Variants in RTN1 observed in about 807,000 individuals in gnomAD.
RTN1 encodes the protein reticulon 1, also known as reticulon-1.
Under a neutral mutation model 65.5 loss-of-function variants are expected in RTN1, and 25 were observed. The ratio of observed to expected loss-of-function variants is 0.38; its 90% CI spans 0.28 to 0.53. RTN1 has a LOEUF of 0.53. RTN1 is among the 20% of genes least tolerant of loss of function. The pLI, the probability that RTN1 is intolerant of heterozygous loss-of-function variation, is 0.79. For synonymous variants in RTN1, 471 were observed against 447.6 expected (o/e 1.05, Z -0.66); for missense variants, 983 against 1,025.4 (o/e 0.96, Z 0.57).
intron 2 of RTN1, among the ~76,000 whole-genome samples, chr14:59,739,974 C>T (rs930850732): frequency 2.6e-5 from 4 of 152,168 alleles, no homozygotes; most frequent in Non-Finnish European, 4.4e-5. Flanking sequence ...AGCAGCTCAC[C>T]CTTGTGCCAG....
intron 3 of RTN1, among the ~76,000 whole-genome samples, chr14:59,612,085 T>G (rs1324237471): frequency 6.6e-6 from 1 of 152,230 alleles, no homozygotes; most frequent in African/African-American, 2.4e-5. Context: ...GGAAAAAGTT[T>G]CAGCTTTTCC....
At chr14:59,639,433 A>C (rs190399790) in intron 3 of RTN1, among the ~76,000 whole-genome samples, 53 of 152,362 alleles carry the variant, frequency 3.5e-4, no homozygotes, top group East Asian at 3.9e-4. Flanking sequence ...CAGTATCTGC[A>C]AAGTACAATA....
In RTN1 at chr14:59,868,652, T is replaced by A. The variant is rs2139683155; in HGVS notation, c.241+1738A>T. Among the ~76,000 whole-genome samples the A allele has an allele frequency of 6.6e-6, 1 of 152,328 alleles. No homozygotes were observed. Among genetic ancestry groups the A allele is most frequent in the Middle Eastern group, 3.4e-3 (1 of 294 alleles). ...AACATCACACTGTACCCCACAAATA[T>A]ATATTCTAAGCATTTCCTATATAAT... is the stretch of plus-strand genomic sequence containing the variant. On this transcript the variant is annotated intron_variant, in intron 1 of 8. Coordinates refer to ENST00000267484, the MANE Select transcript of RTN1 (RefSeq NM_021136.3). The surrounding 1 kb of genome is among the most constrained non-coding windows in gnomAD (Gnocchi z 4.0).
intron 3 of RTN1, among the ~76,000 whole-genome samples, chr14:59,620,636 T>C (rs1488912048): frequency 2.6e-5 from 4 of 152,240 alleles, no homozygotes; most frequent in Non-Finnish European, 4.4e-5. Flanking sequence ...GTGGCTTATA[T>C]TATATTTCTA....
intron 3 of RTN1, among the ~76,000 whole-genome samples, chr14:59,624,832 T>C (rs1056564741): frequency 1.3e-5 from 2 of 152,126 alleles, no homozygotes; most frequent in African/African-American, 4.8e-5. Context: ...GCACACAACT[T>C]AGGAGGATGA....
At chr14:59,678,279 G>A (rs1372240416) in intron 3 of RTN1, among the ~76,000 whole-genome samples, 1 of 152,180 alleles carries the variant, frequency 6.6e-6, no homozygotes, top group Non-Finnish European at 1.5e-5. Flanking sequence ...ATGCTAATGC[G>A]AAAATGGCCT....
chr14:59,638,212 C>A (rs550271299), intron 3 of RTN1, among the ~76,000 whole-genome samples: 6 of 152,290 alleles, frequency 3.9e-5, no homozygotes, highest in African/African-American at 1.4e-4. Context: ...CCATGGGCTG[C>A]AGAATGGATG....
chr14:59,699,331 C>G (rs999056234), intron 3 of RTN1, among the ~76,000 whole-genome samples: 1 of 151,630 alleles, frequency 6.6e-6, no homozygotes, highest in African/African-American at 2.4e-5. Flanking sequence ...AAGAATGTGT[C>G]CTGCAAATTT....
chr14:59,856,784 C>T (rs1174472061), intron 1 of RTN1, among the ~76,000 whole-genome samples: 1 of 152,206 alleles, frequency 6.6e-6, no homozygotes, highest in Non-Finnish European at 1.5e-5. Flanking sequence ...AATCTTCATT[C>T]TCTATGGCAT....
chr14:59,654,250 A>C (rs1883075333), intron 3 of RTN1, among the ~76,000 whole-genome samples: 2 of 151,880 alleles, frequency 1.3e-5, no homozygotes, highest in African/African-American at 4.8e-5. Flanking sequence ...ATGTGGCGAA[A>C]CCCCGTCTCT....
intron 1 of RTN1, among the ~76,000 whole-genome samples, chr14:59,842,682 A>G (rs1594763694): frequency 1.3e-5 from 2 of 152,200 alleles, no homozygotes; most frequent in East Asian, 3.8e-4. Flanking sequence ...ATGAATAGTT[A>G]TGTGGTTTTA....
intron 1 of RTN1, among the ~76,000 whole-genome samples, chr14:59,781,864 A>G (rs1886161322): frequency 6.6e-6 from 1 of 152,214 alleles, no homozygotes; most frequent in African/African-American, 2.4e-5. Context: ...AGCTTTTGAA[A>G]TATTTCTGGA....
chr14:59,717,168 CAA>C (rs1884553488), intron 3 of RTN1, among the ~76,000 whole-genome samples: 1 of 152,012 alleles, frequency 6.6e-6, no homozygotes, highest in African/African-American at 2.4e-5. Context: ...GAGAGGTAAA[CAA>C]GAGTGAATTT....
At chr14:59,658,510 C>T (rs1006846773) in intron 3 of RTN1, among the ~76,000 whole-genome samples, 8 of 152,160 alleles carry the variant, frequency 5.3e-5, no homozygotes, top group African/African-American at 1.9e-4. Context: ...GGTGGGTGCC[C>T]CTCTGGGACG....
intron 3 of RTN1, among the ~76,000 whole-genome samples, chr14:59,709,029 G>A (rs1215185762): frequency 6.6e-6 from 1 of 152,140 alleles, no homozygotes; most frequent in Non-Finnish European, 1.5e-5. Flanking sequence ...AAAACATTTG[G>A]AGGATTCTTG....
chr14:59,804,578 G>A (rs1886603437), intron 1 of RTN1, among the ~76,000 whole-genome samples: 2 of 152,080 alleles, frequency 1.3e-5, no homozygotes, highest in Non-Finnish European at 2.9e-5. Flanking sequence ...GTGACTCCTA[G>A]AGTCCGAAAA....
intron 3 of RTN1, among the ~76,000 whole-genome samples, chr14:59,652,539 G>A (rs910921031): frequency 6.6e-6 from 1 of 152,162 alleles, no homozygotes; most frequent in Non-Finnish European, 1.5e-5. Context: ...GATCACGAAT[G>A]GAGCTGGAGG....
intron 1 of RTN1, among the ~76,000 whole-genome samples, chr14:59,749,270 ATATATATC>A (rs1478010714): frequency 0.088 from 3,061 of 34,730 alleles, 351 homozygotes; most frequent in Middle Eastern, 0.19. Flanking sequence ...ATATATCTAT[ATATATATC>A]TATATATATC....
chr14:59,810,733 C>A (rs1886714054), intron 1 of RTN1, among the ~76,000 whole-genome samples: 1 of 152,106 alleles, frequency 6.6e-6, no homozygotes, highest in African/African-American at 2.4e-5. Context: ...TGAACAGAAT[C>A]TTCAATATTC....
Sources: allele counts gnomAD v4.1 joint callset (sites outside exome capture counted in the v4.1 genomes callset), GRCh38; gene constraint gnomAD v4.1.1; non-coding constraint Gnocchi (gnomAD v3.1); transcripts MANE v1.5; gene names NCBI Gene and HGNC (gene_info 2026-07-23, HGNC 2026-07-21).